The following CYP3A43 variants were observed in gnomAD, a reference collection of about 807,000 sequenced individuals.
CYP3A43 encodes cytochrome P450 3A43.
Under a neutral mutation model 58.0 loss-of-function variants are expected in CYP3A43, and 45 were observed. The observed-to-expected ratio is 0.78, with a 90% CI of 0.61 to 0.99. CYP3A43 has a LOEUF of 0.99. Ranked by LOEUF, CYP3A43 falls within the 50% of genes least tolerant of loss-of-function variation. The pLI is 0.00. For synonymous variants in CYP3A43, 191 were observed against 201.4 expected (o/e 0.95, Z 0.44); for missense variants, 593 against 591.9 (o/e 1.00, Z -0.02).
chr7:99,859,722 C>G (rs1392340885), intron 9 of CYP3A43, 108 bp from the exon 10 acceptor site: 1 of 1,435,320 alleles, frequency 7.0e-7, no homozygotes, highest in East Asian at 2.3e-5. Context: ...AATTGCTTTT[C>G]TATTTTTGCT....
chr7:99,865,918 T>G lies in CYP3A43; in HGVS notation c.1429T>G (p.Leu477Val). ...PCKETQIPLK[L>V]DNLPILQPEK... ...TTAACTTTTGCAGATCCCACTGAAA[T>G]TAGACAATCTACCAATTCTTCAACC... The change falls in exon 13 of 13, where the codon TTA becomes GTA. Residue 477 changes from leucine to valine, a missense_variant. Transcript: ENST00000354829. 2.6e-6 allele frequency: 4 copies of G among 1,563,414 alleles called. No individual in the cohort carries two copies. The highest frequency in any genetic ancestry group is 3.4e-6 in the Non-Finnish European group (4 of 1,171,660).
At position 99,849,273 on chromosome 7, in the gene CYP3A43, A is replaced by G. The variant is rs370911087; in HGVS notation, c.522-273A>G. On this transcript the variant is annotated intron_variant, in intron 6 of 12. Coordinates refer to ENST00000354829, the MANE Select transcript of CYP3A43 (RefSeq NM_057095.3). ...CACAAACTACTGTAATTGTCTGATT[A>G]TTGGGTCTGTGTCTCCCTATGACTG... 5.9e-5 allele frequency among the ~76,000 whole-genome samples: 9 copies of G among 152,332 alleles called. No individual in the cohort carries two copies. The East Asian group carries it at 1.7e-3, about 29-fold the overall frequency.
intron 4 of CYP3A43, 40 bp from the exon 5 acceptor site, chr7:99,847,448 A>T (rs575220322): frequency 1.5e-4 from 237 of 1,596,504 alleles, no homozygotes; most frequent in Non-Finnish European, 1.9e-4. Context: ...GAGATCTCTA[A>T]AACTTACGTA....
chr7:99,849,560 A>G lies in CYP3A43; in HGVS notation c.536A>G (p.Tyr179Cys), dbSNP rs763008783. 1.4e-5 allele frequency: 23 copies of G among 1,608,482 alleles called. No individual in the cohort carries two copies. The highest frequency in any genetic ancestry group is 1.8e-5 in the Non-Finnish European group (21 of 1,178,758). The change falls in exon 7 of 13, where the codon TAC becomes TGC. Residue 179 changes from tyrosine (Y) to cysteine (C), a missense_variant. Physicochemically the swap from Tyr to Cys is radical, Grantham distance 194. Coordinates refer to ENST00000354829, the MANE Select transcript of CYP3A43 (RefSeq NM_057095.3). ...ACTCTACTCAGTTTCTTTGGGGCCT[A>G]CACCATGGATGTAATCACTGGCACA... ...SINLKDFFGA[Y>C]TMDVITGTLF...
In CYP3A43 at chr7:99,836,442, T is replaced by C. The variant is rs776204296; in HGVS notation, c.72-11T>C. ...AATTTCTGTAACCTGGCTTTCTCTT[T>C]TATTTTATAGTTATGGGACCCATTC... On this transcript the variant is annotated splice_polypyrimidine_tract_variant and intron_variant, in intron 1 of 12. Coordinates refer to ENST00000354829, the MANE Select transcript of CYP3A43 (RefSeq NM_057095.3). 4 of 1,607,726 alleles carry C rather than the reference T, an allele frequency of 2.5e-6. No individual in the cohort carries two copies. In the Middle Eastern group the frequency reaches 5.0e-4, roughly 200 times the overall value.
chr7:99,842,823 T>A (rs1223741086), intron 3 of CYP3A43, among the ~76,000 whole-genome samples: 1 of 152,246 alleles, frequency 6.6e-6, no homozygotes, highest in East Asian at 1.9e-4. Flanking sequence ...GCGTCCCTCG[T>A]AAGTTTCTCA....
At chr7:99,865,217 G>T (rs1020679919) in intron 12 of CYP3A43, among the ~76,000 whole-genome samples, 1 of 148,324 alleles carries the variant, frequency 6.7e-6, no homozygotes, top group Non-Finnish European at 1.5e-5. Flanking sequence ...CAATTTGCCT[G>T]CCCTTCACTT....
intron 1 of CYP3A43, among the ~76,000 whole-genome samples, chr7:99,831,536 G>A (rs1816843379): frequency 6.6e-6 from 1 of 152,152 alleles, no homozygotes; most frequent in South Asian, 2.1e-4. Flanking sequence ...TGGTTACATC[G>A]GCGGGATGCA....
At chr7:99,858,895 A>G (rs1378450406) in intron 9 of CYP3A43, among the ~76,000 whole-genome samples, 4 of 151,706 alleles carry the variant, frequency 2.6e-5, no homozygotes, top group Non-Finnish European at 5.9e-5. Flanking sequence ...ATGGGGTTTC[A>G]CCATGTTGGC....
At position 99,863,535 on chromosome 7, in the gene CYP3A43, A is replaced by C; in HGVS notation, c.1254-2A>C. 1 of 1,592,974 alleles carries C rather than the reference A, an allele frequency of 6.3e-7. No homozygotes were observed. The highest frequency in any genetic ancestry group is 8.5e-7 in the Non-Finnish European group (1 of 1,172,648). ...AGTTTTTATGTACTACTGTGAAAGT[A>C]GGTTCAGTAAGAAGAACAAGGACAG... On this transcript the variant is annotated splice_acceptor_variant, in intron 11 of 12. Transcript: ENST00000354829. LOFTEE classifies it high-confidence loss of function.
chr7:99,833,664 C>T (rs971083802), intron 1 of CYP3A43, among the ~76,000 whole-genome samples: 1 of 152,216 alleles, frequency 6.6e-6, no homozygotes, highest in East Asian at 1.9e-4. Context: ...AATTCCTGTT[C>T]CATTGTCCCC....
chr7:99,862,212 T>C (rs1164126442), intron 11 of CYP3A43, among the ~76,000 whole-genome samples: 1 of 152,220 alleles, frequency 6.6e-6, no homozygotes, highest in Non-Finnish European at 1.5e-5. Flanking sequence ...TTCACCATAA[T>C]GTTATTTTGA....
intron 12 of CYP3A43, among the ~76,000 whole-genome samples, chr7:99,864,827 G>A (rs1818384219): frequency 1.3e-5 from 2 of 148,394 alleles, no homozygotes; most frequent in Non-Finnish European, 2.9e-5. Context: ...ATGTCTGTCT[G>A]CAGGAAAAAC....
chr7:99,844,223 C>CT lies in CYP3A43; in HGVS notation c.300dup (p.Val101CysfsTer22). 1 of 1,613,910 alleles carries CT rather than the reference C, an allele frequency of 6.2e-7. No individual in the cohort carries two copies. Among genetic ancestry groups the CT allele is most frequent in the Non-Finnish European group, 8.5e-7 (1 of 1,179,946 alleles). ...ACAGTGTTAGTGAAAGAATGTTACT[C>CT]TGTCTTCACAAACCAGATGGTAGGC... On this transcript the variant is annotated frameshift_variant, in exon 4 of 13. Transcript: ENST00000354829. LOFTEE classifies it high-confidence loss of function.
At position 99,861,609 on chromosome 7, in the gene CYP3A43, C is replaced by T. The variant is rs79499324; in HGVS notation, c.1027-4C>T. The T allele has an allele frequency of 6.2e-7, 1 of 1,612,898 alleles. No homozygotes were observed. The highest frequency in any genetic ancestry group is 8.5e-7 in the Non-Finnish European group (1 of 1,179,308). On this transcript the variant is annotated splice_polypyrimidine_tract_variant and splice_region_variant and intron_variant, in intron 10 of 12. Transcript: ENST00000354829. The stretch of plus-strand genomic sequence containing the variant: ...TTTATCCAAATCTGTTTCTTTCTTC[C>T]CAGGCACCTGTCACCTACGATGCCC...
chr7:99,862,382 G>A (rs553564166), intron 11 of CYP3A43, among the ~76,000 whole-genome samples: 1 of 152,136 alleles, frequency 6.6e-6, no homozygotes, highest in Non-Finnish European at 1.5e-5. Context: ...GAGATCCTGA[G>A]ACATCCTCAT....
At chr7:99,839,430 G>A in intron 3 of CYP3A43, 1 of 659,728 alleles carries the variant, frequency 1.5e-6, no homozygotes, top group South Asian at 1.5e-5. Context: ...AACTCACTAT[G>A]ACAAAGGGAA....
intron 11 of CYP3A43, among the ~76,000 whole-genome samples, chr7:99,863,187 C>G (rs1370525610): frequency 1.3e-5 from 2 of 152,232 alleles, no homozygotes; most frequent in African/African-American, 2.4e-5. Flanking sequence ...ACAATCCTCT[C>G]TGTGACTACA....
chr7:99,857,506 AC>A (rs1256953439), intron 9 of CYP3A43, among the ~76,000 whole-genome samples: 1 of 152,170 alleles, frequency 6.6e-6, no homozygotes, highest in African/African-American at 2.4e-5. Flanking sequence ...AAGTTTGACA[AC>A]CATATGACAT....
Sources: gnomAD v4.1 joint callset for allele counts (sites outside exome capture counted in the v4.1 genomes callset) on GRCh38, gnomAD v4.1.1 for gene constraint, MANE v1.5 for transcripts, NCBI Gene and HGNC (gene_info 2026-07-23, HGNC 2026-07-21) for gene names.